The following DENND2A variants were observed in gnomAD, a reference collection of about 807,000 sequenced individuals.
The protein encoded by DENND2A is DENN domain containing 2A.
A neutral mutation model predicts 105.3 loss-of-function variants in DENND2A; 53 were observed. The observed-to-expected ratio is 0.50, with a 90% CI of 0.40 to 0.63. DENND2A has a LOEUF of 0.63. Among genes scored for constraint, DENND2A ranks in the 30% least tolerant of loss-of-function variants. DENND2A has a pLI of 0.00. For synonymous variants in DENND2A, 522 were observed against 508.4 expected, an observed-to-expected ratio of 1.03 and a Z score of -0.36; for missense variants, 1,138 against 1,279.6, an observed-to-expected ratio of 0.89 and a Z score of 1.69.
At chr7:140,562,688 C>CA (rs1554468997) in intron 9 of DENND2A, among the ~76,000 whole-genome samples, 2 of 150,214 alleles carry the variant, frequency 1.3e-5, no homozygotes, top group Non-Finnish European at 1.5e-5. Context: ...ACAACAACAA[C>CA]AAAAAAACCC....
intron 1 of DENND2A, among the ~76,000 whole-genome samples, chr7:140,611,030 T>C (rs557116204): frequency 2.4e-4 from 36 of 152,316 alleles, no homozygotes; most frequent in South Asian, 2.3e-3. Context: ...CTGCTTCTGA[T>C]AACAGAGCAC....
At position 140,555,654 on chromosome 7, in the gene DENND2A, G is replaced by T; in HGVS notation, c.2019C>A (p.Cys673Ter). Residue 673 changes from cysteine (C) to a stop codon, truncating the protein, a stop_gained, in exon 12 of 20, where the codon TGC (cysteine) becomes TGA (stop). Coordinates refer to ENST00000496613, the MANE Select transcript of DENND2A (RefSeq NM_015689.5). LOFTEE classifies it high-confidence loss of function. ...TTCTCACCCTTGAAAAGAGGCTGAA[G>T]CATCCCAGGCGGCTCACAATGCAGT... Reference protein sequence around the residue: ...EVYCIVSRLGCFSLFSRILDE... With the variant: ...EVYCIVSRLG The T allele has an allele frequency of 6.2e-7, 1 of 1,610,300 alleles. No individual in the cohort carries two copies. Among genetic ancestry groups the T allele is most frequent in the Non-Finnish European group, 8.5e-7 (1 of 1,178,838 alleles).
intron 1 of DENND2A, among the ~76,000 whole-genome samples, chr7:140,613,787 C>A (rs1018818995): frequency 3.9e-5 from 6 of 152,078 alleles, no homozygotes; most frequent in South Asian, 2.1e-4. Flanking sequence ...GAGTCACACA[C>A]AAAAAAACTG....
upstream of DENND2A, among the ~76,000 whole-genome samples, chr7:140,641,207 C>T (rs890001228): frequency 2.0e-5 from 3 of 151,792 alleles, no homozygotes; most frequent in African/African-American, 4.8e-5. Flanking sequence ...GTGAGTCAGG[C>T]ACCACCCTTG....
rs182441885 is a variant in DENND2A, at chr7:140,574,919, C to G, written c.1246-911G>C. 5.3e-5 allele frequency among the ~76,000 whole-genome samples: 8 copies of G among 152,198 alleles called. No homozygotes were observed. In the East Asian group the frequency reaches 1.4e-3, roughly 26 times the overall value. ...CCTGTAATCCCAGCTACTCGGGAGG[C>G]TGAGGCAGGAGAATCGCCTGAACCC... On this transcript the variant is annotated intron_variant, in intron 5 of 19. Coordinates refer to ENST00000496613, the MANE Select transcript of DENND2A (RefSeq NM_015689.5).
intron 16 of DENND2A, among the ~76,000 whole-genome samples, chr7:140,525,355 A>G (rs887038261): frequency 6.6e-6 from 1 of 151,934 alleles, no homozygotes; most frequent in Admixed American, 6.6e-5. Flanking sequence ...GGGTTTCACC[A>G]TATTAGTCAG....
chr7:140,622,881 G>A (rs1432948685), intron 1 of DENND2A, among the ~76,000 whole-genome samples: 1 of 151,964 alleles, frequency 6.6e-6, no homozygotes, highest in Admixed American at 6.6e-5. Context: ...CCCTATGATC[G>A]TTTTAAACAC....
intron 1 of DENND2A, among the ~76,000 whole-genome samples, chr7:140,611,743 T>C (rs1799905162): frequency 2.6e-5 from 4 of 152,330 alleles, no homozygotes; most frequent in Admixed American, 1.3e-4. Flanking sequence ...ATTCCATTTA[T>C]ATAAAATGTC....
intron 5 of DENND2A, among the ~76,000 whole-genome samples, chr7:140,582,345 G>A (rs1798581596): frequency 6.6e-6 from 1 of 152,164 alleles, no homozygotes; most frequent in South Asian, 2.1e-4. Context: ...AGGACCCAGA[G>A]GGGACAGACC....
intron 1 of DENND2A, among the ~76,000 whole-genome samples, chr7:140,620,172 A>G (rs1585770468): frequency 6.6e-6 from 1 of 151,956 alleles, no homozygotes; most frequent in Admixed American, 6.6e-5. Flanking sequence ...CTCCAGCCTG[A>G]GCGACAGAGT....
At chr7:140,610,528 T>TTA (rs914215614) in intron 1 of DENND2A, among the ~76,000 whole-genome samples, 40 of 151,732 alleles carry the variant, frequency 2.6e-4, no homozygotes, top group South Asian at 1.2e-3. Context: ...TTGCTAGATT[T>TTA]TATATATATA....
intron 11 of DENND2A, 31 bp downstream of exon 11, chr7:140,558,112 C>A (rs1230228957): frequency 6.2e-7 from 1 of 1,600,934 alleles, no homozygotes; most frequent in African/African-American, 1.3e-5. Flanking sequence ...GTCCACGAGG[C>A]TCTTGCAGGC....
intron 5 of DENND2A, among the ~76,000 whole-genome samples, chr7:140,577,734 G>T (rs1382575844): frequency 1.3e-5 from 2 of 152,106 alleles, no homozygotes; most frequent in Non-Finnish European, 2.9e-5. Context: ...TGTACTTAAG[G>T]CTTTGTGGGC....
At chr7:140,582,881 G>A (rs1798600739) in intron 5 of DENND2A, among the ~76,000 whole-genome samples, 1 of 152,114 alleles carries the variant, frequency 6.6e-6, no homozygotes, top group Non-Finnish European at 1.5e-5. Context: ...AGGCCTTCCA[G>A]GAAAACCAAA....
rs895387304 is a variant in DENND2A, at chr7:140,523,352, C to T, written c.2620G>A (p.Glu874Lys). The change falls in exon 17 of 20, where the codon GAG becomes AAG. Residue 874 changes from glutamate to lysine, a missense_variant. Glu to Lys is a moderately conservative substitution (Grantham distance 56). Transcript: ENST00000496613. The surrounding 1 kb of genome is among the most constrained non-coding windows in gnomAD (Gnocchi z 4.5). ...ALEHILEQRN[E>K]LACEQDEGPL... is the part of the protein sequence containing the mutation. ...CCTTCGTCCTGCTCACAAGCCAGCT[C>T]GTTCCTCTGTTCCAGAATGTGTTCC... The T allele has an allele frequency of 5.0e-6, 8 of 1,614,170 alleles. No homozygotes were observed. The highest frequency in any genetic ancestry group is 2.2e-5 in the South Asian group (2 of 91,078).
At chr7:140,553,340 A>G (rs1048535531) in intron 12 of DENND2A, among the ~76,000 whole-genome samples, 1 of 152,214 alleles carries the variant, frequency 6.6e-6, no homozygotes, top group Non-Finnish European at 1.5e-5. Context: ...ACAAAGCAGT[A>G]TTGCATGTTC....
At chr7:140,519,582 C>T in intron 19 of DENND2A, 50 bp downstream of exon 19, 2 of 1,550,876 alleles carry the variant, frequency 1.3e-6, no homozygotes, top group Non-Finnish European at 1.8e-6. Context: ...GACTCCGAGA[C>T]AGACAGCTCA....
At chr7:140,599,466 A>G (rs143025151) in intron 3 of DENND2A, among the ~76,000 whole-genome samples, 7 of 152,186 alleles carry the variant, frequency 4.6e-5, no homozygotes, top group African/African-American at 9.6e-5. Flanking sequence ...CAGGCTCTGT[A>G]CTAAGTTTAT....
intron 2 of DENND2A, among the ~76,000 whole-genome samples, chr7:140,604,647 C>T (rs1799628594): frequency 6.6e-6 from 1 of 152,194 alleles, no homozygotes; most frequent in South Asian, 2.1e-4. Context: ...TTAGTGTCTG[C>T]ATGGTGATGA....
Sources: allele counts gnomAD v4.1 joint callset (sites outside exome capture counted in the v4.1 genomes callset), GRCh38; gene constraint gnomAD v4.1.1; non-coding constraint Gnocchi (gnomAD v3.1); transcripts MANE v1.5; gene names NCBI Gene and HGNC (gene_info 2026-07-23, HGNC 2026-07-21).